Variants in EXOC4 observed in about 807,000 individuals in gnomAD.
EXOC4 encodes exocyst complex component 4.
A neutral mutation model predicts 107.2 loss-of-function variants in EXOC4; 71 were observed. The observed-to-expected ratio is 0.66, with a 90% CI of 0.55 to 0.81. EXOC4 has a LOEUF of 0.81. Ranked by LOEUF, EXOC4 falls within the 30% of genes least tolerant of loss-of-function variation. The pLI is 0.00. For missense variants in EXOC4, 1,108 were observed against 1,189.6 expected, an observed-to-expected ratio of 0.93 and a Z score of 1.01; for synonymous variants, 456 against 441.2, an observed-to-expected ratio of 1.03 and a Z score of -0.42.
At chr7:133,466,319 A>AAGAGAAGTCTAAAGAATACCAAAAG (rs1563076453) in intron 7 of EXOC4, among the ~76,000 whole-genome samples, 1 of 152,156 alleles carries the variant, frequency 6.6e-6, no homozygotes, top group Admixed American at 6.5e-5. Context: ...CCAATTAAAA[A>AAGAGAAGTCTAAAGAATACCAAAAG]AGAGAAGTCT....
chr7:133,832,423 T>A (rs1470233591), intron 11 of EXOC4, among the ~76,000 whole-genome samples: 3 of 152,242 alleles, frequency 2.0e-5, no homozygotes, highest in Admixed American at 2.0e-4. Flanking sequence ...GAATGGTTTT[T>A]ACTACCCTAA....
chr7:133,670,580 C>T (rs964967496), intron 10 of EXOC4, among the ~76,000 whole-genome samples: 2 of 152,152 alleles, frequency 1.3e-5, no homozygotes, highest in African/African-American at 4.8e-5. Flanking sequence ...TTCCTAGATG[C>T]GCTAATTGTG....
At chr7:133,294,011 T>C (rs139007877) in intron 3 of EXOC4, among the ~76,000 whole-genome samples, 1,711 of 152,328 alleles carry the variant, frequency 0.011, 18 homozygotes, top group Non-Finnish European at 0.019. Context: ...CTCACATTAA[T>C]TGAAGTAATT....
At chr7:133,652,183 T>C (rs1288808306) in intron 10 of EXOC4, among the ~76,000 whole-genome samples, 1 of 152,174 alleles carries the variant, frequency 6.6e-6, no homozygotes, top group East Asian at 1.9e-4. Context: ...TATTAATACT[T>C]ATAATAGAAG....
At chr7:133,503,009 C>A (rs1214614187) in intron 9 of EXOC4, among the ~76,000 whole-genome samples, 4 of 152,106 alleles carry the variant, frequency 2.6e-5, no homozygotes, top group Non-Finnish European at 5.9e-5. Context: ...AATTGCCTAT[C>A]TATAAATAGT....
At chr7:133,789,836 A>G (rs1432183023) in intron 10 of EXOC4, among the ~76,000 whole-genome samples, 1 of 152,018 alleles carries the variant, frequency 6.6e-6, no homozygotes. Context: ...CAAGGTGTGC[A>G]TTTTAACCAT....
chr7:133,337,873 C>A (rs112441711), intron 5 of EXOC4, among the ~76,000 whole-genome samples: 186 of 152,172 alleles, frequency 1.2e-3, no homozygotes, highest in African/African-American at 4.4e-3. Flanking sequence ...TTCAAGTAAT[C>A]CACCTGCCTT....
intron 9 of EXOC4, among the ~76,000 whole-genome samples, chr7:133,589,913 C>G (rs1801499621): frequency 6.6e-6 from 1 of 152,082 alleles, no homozygotes; most frequent in Non-Finnish European, 1.5e-5. Context: ...TTCCTTAGTT[C>G]AGCTAAAATC....
At chr7:133,510,096 A>G (rs1799741488) in intron 9 of EXOC4, among the ~76,000 whole-genome samples, 1 of 152,160 alleles carries the variant, frequency 6.6e-6, no homozygotes, top group Non-Finnish European at 1.5e-5. Context: ...GAACATGTCA[A>G]CCCATTTACG....
chr7:133,650,160 C>T (rs1803105620), intron 10 of EXOC4, among the ~76,000 whole-genome samples: 1 of 150,782 alleles, frequency 6.6e-6, no homozygotes, highest in Admixed American at 6.6e-5. Flanking sequence ...ATGTATGTAC[C>T]CTGGTCTGGA....
chr7:133,784,698 A>C (rs1302487773), intron 10 of EXOC4, among the ~76,000 whole-genome samples: 5 of 152,176 alleles, frequency 3.3e-5, no homozygotes, highest in Non-Finnish European at 5.9e-5. Flanking sequence ...GTATTACAGA[A>C]TCCCAAGTTT....
At chr7:134,047,672 G>C (rs946187561) in intron 17 of EXOC4, among the ~76,000 whole-genome samples, 4 of 151,658 alleles carry the variant, frequency 2.6e-5, no homozygotes, top group Admixed American at 1.3e-4. Context: ...ACTAGAGTTT[G>C]AGTCGTGTCC....
intron 11 of EXOC4, among the ~76,000 whole-genome samples, chr7:133,855,644 G>A (rs2116296549): frequency 6.6e-6 from 1 of 152,210 alleles, no homozygotes; most frequent in South Asian, 2.1e-4. Flanking sequence ...AACATAGTGT[G>A]TACCTTTCTC....
At chr7:133,872,728 A>C (rs550658209) in intron 11 of EXOC4, among the ~76,000 whole-genome samples, 1 of 152,338 alleles carries the variant, frequency 6.6e-6, no homozygotes, top group South Asian at 2.1e-4. Context: ...GAATCATTAG[A>C]ATGTGTTTCC....
chr7:133,879,371 G>A (rs886089181), intron 11 of EXOC4, among the ~76,000 whole-genome samples: 1 of 151,928 alleles, frequency 6.6e-6, no homozygotes, highest in Admixed American at 6.6e-5. Context: ...TGGGATTATG[G>A]GTATGAGCCA....
intron 17 of EXOC4, among the ~76,000 whole-genome samples, chr7:134,038,202 G>GTTC (rs1424527469): frequency 6.6e-6 from 1 of 152,204 alleles, no homozygotes; most frequent in South Asian, 2.1e-4. Flanking sequence ...TCATTCAACT[G>GTTC]AGAGGCATCT....
At chr7:134,042,948 G>A (rs1340718983) in intron 17 of EXOC4, among the ~76,000 whole-genome samples, 2 of 152,188 alleles carry the variant, frequency 1.3e-5, no homozygotes, top group Non-Finnish European at 2.9e-5. Flanking sequence ...GGCTGAGGCA[G>A]GAGAATTGCT....
intron 10 of EXOC4, among the ~76,000 whole-genome samples, chr7:133,810,591 CTTTGCTTTA>C (rs1797198895): frequency 1.4e-5 from 1 of 71,150 alleles, no homozygotes; most frequent in African/African-American, 3.7e-5. Flanking sequence ...AAGATCCATG[CTTTGCTTTA>C]TTTTATTTTA....
At chr7:133,962,039 C>T (rs899627120) in intron 14 of EXOC4, among the ~76,000 whole-genome samples, 1 of 152,166 alleles carries the variant, frequency 6.6e-6, no homozygotes, top group Admixed American at 6.5e-5. Context: ...CCAGTGCCCA[C>T]GCACTTAATC....
Sources: allele counts gnomAD v4.1 joint callset (sites outside exome capture counted in the v4.1 genomes callset), GRCh38; gene constraint gnomAD v4.1.1; transcripts MANE v1.5; gene names NCBI Gene and HGNC (gene_info 2026-07-23, HGNC 2026-07-21).